Variants in PTPN23 observed in about 807,000 individuals in gnomAD.
PTPN23 encodes protein tyrosine phosphatase non-receptor type 23, also known as tyrosine-protein phosphatase non-receptor type 23.
A neutral mutation model predicts 156.3 loss-of-function variants in PTPN23; 72 were observed. The observed-to-expected ratio is 0.46, with a 90% CI of 0.38 to 0.56. The LOEUF is 0.56. PTPN23 is among the 20% of genes least tolerant of loss of function. The pLI is 0.00. For synonymous variants in PTPN23, 957 were observed against 899.6 expected (o/e 1.06, Z -1.14); for missense variants, 1,974 against 2,171.5 (o/e 0.91, Z 1.81).
In PTPN23 at chr3:47,413,081, C is replaced by T; in HGVS notation, c.4807C>T (p.His1603Tyr). The T allele has an allele frequency of 6.2e-7, 1 of 1,612,954 alleles. No individual in the cohort carries two copies. The change falls in exon 25 of 25, where the codon CAT becomes TAT. Residue 1603 changes from histidine (H) to tyrosine (Y), a missense_variant. Around this residue, in one of 4 missense-constraint regions of PTPN23, gnomAD observed 484 missense variants for 516.0 expected, o/e 0.94. Coordinates refer to ENST00000265562, the MANE Select transcript of PTPN23 (RefSeq NM_015466.4). ...GCGGGGCAAACAGCGGATGAGCAAGCATAACTTTCTGCAGGCCCATAACGG... is the reference window on the plus strand; with the variant it reads ...GCGGGGCAAACAGCGGATGAGCAAGTATAACTTTCTGCAGGCCCATAACGG... ...SLRGKQRMSK[H>Y]NFLQAHNGQG...
At position 47,410,033 on chromosome 3, in the gene PTPN23, G is replaced by C; in HGVS notation, c.2235G>C (p.Leu745=). 1 of 1,610,996 alleles carries C rather than the reference G, an allele frequency of 6.2e-7. No individual in the cohort carries two copies. The highest frequency in any genetic ancestry group is 8.5e-7 in the Non-Finnish European group (1 of 1,178,832). Residue 745 remains leucine, a synonymous_variant, in exon 20 of 25, where the codon CTG becomes CTC. Transcript: ENST00000265562. ...AAGCAGGAGACCCCCCTGAGGAGCT[G>C]CGCAGCCTCCCCCCTGACATGGTGG... ...AVEAGDPPEE[L]RSLPPDMVAG... is the part of the protein sequence containing the mutation.
In PTPN23 at chr3:47,412,955, G is replaced by A. The variant is rs778523402; in HGVS notation, c.4681G>A (p.Glu1561Lys). ...PLPEAPQPKEEPPVPEAPSSG... is the reference protein window; with the variant it reads ...PLPEAPQPKEKPPVPEAPSSG... ...ACCTGAGGCTCCCCAGCCTAAGGAG[G>A]AGCCGCCAGTGCCTGAAGCCCCCAG... Residue 1561 changes from glutamate (E) to lysine (K), a missense_variant, in exon 25 of 25, where the codon GAG becomes AAG. By Grantham distance (56) the Glu-to-Lys change is moderately conservative. Coordinates refer to ENST00000265562, the MANE Select transcript of PTPN23 (RefSeq NM_015466.4). 3.7e-6 allele frequency: 6 copies of A among 1,606,716 alleles called. No homozygotes were observed. The highest frequency in any genetic ancestry group is 5.1e-6 in the Non-Finnish European group (6 of 1,176,490).
chr3:47,404,500 C>T (rs1394752314), intron 2 of PTPN23, 152 bp from the exon 3 acceptor site: 19 of 850,452 alleles, frequency 2.2e-5, no homozygotes, highest in South Asian at 4.1e-5. Context: ...TTTTGTTGAA[C>T]GACTATAGGT....
intron 2 of PTPN23, among the ~76,000 whole-genome samples, chr3:47,399,582 C>T (rs1208530000): frequency 6.6e-6 from 1 of 152,194 alleles, no homozygotes; most frequent in Admixed American, 6.5e-5. Context: ...AGCATTACCA[C>T]CAATCTCCAA....
chr3:47,413,357 G>T lies in PTPN23; in HGVS notation c.*172G>T. On this transcript the variant is annotated 3_prime_UTR_variant, in exon 25 of 25. Coordinates refer to ENST00000265562, the MANE Select transcript of PTPN23 (RefSeq NM_015466.4). ...GGGGTGGAAATGTACTGCAGGCTCT[G>T]GGTCAGGTTCTGCTCCTTTATGGGA... 1.1e-6 allele frequency: 1 copy of T among 905,104 alleles called. No homozygotes were observed. The highest frequency in any genetic ancestry group is 1.8e-5 in the South Asian group (1 of 54,168). The allele number at this position is 905,104 out of a possible 1,614,324, so 56.1% of individuals were successfully genotyped here.
In PTPN23 at chr3:47,406,014, C is replaced by T; in HGVS notation, c.514C>T (p.Gln172Ter). The T allele has an allele frequency of 2.5e-6, 4 of 1,613,536 alleles. No homozygotes were observed. The highest frequency in any genetic ancestry group is 3.4e-6 in the Non-Finnish European group (4 of 1,179,874). ...AGCCTACAGCGTCGACATGAGCCGCCAGATCCTTACGCTCAACGTCAACCT... is the reference window on the plus strand; with the variant it reads ...AGCCTACAGCGTCGACATGAGCCGCTAGATCCTTACGCTCAACGTCAACCT... ...PQAYSVDMSR[Q>*]ILTLNVNLML... The change falls in exon 6 of 25, where the codon CAG becomes TAG. Residue 172 changes from glutamine to a stop codon, truncating the protein, a stop_gained. Transcript: ENST00000265562. LOFTEE classifies it high-confidence loss of function. This position sits in a 1 kb window ranked among gnomAD's most constrained non-coding sequence, Gnocchi z 5.8.
Position 47,406,258 on chromosome 3 carries a change from G to A in PTPN23, c.547-67G>A, listed in dbSNP as rs1705120228. 1 of 1,576,056 alleles carries A rather than the reference G, an allele frequency of 6.3e-7. No individual in the cohort carries two copies. Among genetic ancestry groups the A allele is most frequent in the Non-Finnish European group, 8.7e-7 (1 of 1,152,170 alleles). ...GATCCCTCAGTCTGCCCCTGGGGAA[G>A]GATAAAGGGAAGGGGAAGCGGGAGG... is the stretch of plus-strand genomic sequence containing the variant. On this transcript the variant is annotated intron_variant, in intron 6 of 24. Transcript: ENST00000265562. The surrounding 1 kb of genome is among the most constrained non-coding windows in gnomAD (Gnocchi z 5.8).
chr3:47,412,668 C>T, intron 24 of PTPN23, 38 bp from the exon 25 acceptor site: 2 of 1,603,226 alleles, frequency 1.2e-6, no homozygotes, highest in Non-Finnish European at 1.7e-6. Flanking sequence ...GAGCCACAGC[C>T]TTGGGACTCC....
At position 47,407,045 on chromosome 3, in the gene PTPN23, G is replaced by A; in HGVS notation, c.808-85G>A. ...CCTCCTGAGCTGCTTGTCATCTGAT[G>A]GACAGGCAGGGCCGGGTGGGAGGCA... is the stretch of plus-strand genomic sequence containing the variant. On this transcript the variant is annotated intron_variant, in intron 9 of 24. Coordinates refer to ENST00000265562, the MANE Select transcript of PTPN23 (RefSeq NM_015466.4). The surrounding 1 kb of genome is among the most constrained non-coding windows in gnomAD (Gnocchi z 4.0). 6.4e-7 allele frequency: 1 copy of A among 1,553,626 alleles called. No homozygotes were observed. The highest frequency in any genetic ancestry group is 8.8e-7 in the Non-Finnish European group (1 of 1,130,050).
chr3:47,399,889 A>G (rs975043689), intron 2 of PTPN23, among the ~76,000 whole-genome samples: 1 of 152,100 alleles, frequency 6.6e-6, no homozygotes, highest in Admixed American at 6.6e-5. Flanking sequence ...ATCTTGGCTC[A>G]TTGCAACGTC....
At position 47,407,193 on chromosome 3, in the gene PTPN23, C is replaced by G. The variant is rs762527756; in HGVS notation, c.864+7C>G. On this transcript the variant is annotated splice_region_variant and intron_variant, in intron 10 of 24. Coordinates refer to ENST00000265562, the MANE Select transcript of PTPN23 (RefSeq NM_015466.4). The surrounding 1 kb of genome is among the most constrained non-coding windows in gnomAD (Gnocchi z 4.0). ...AGCCATCAAGTTGGCCAAGGTAAAGCTGAGGAAGGCCTGGCTGCCCTGAGG... is the reference window on the plus strand; with the variant it reads ...AGCCATCAAGTTGGCCAAGGTAAAGGTGAGGAAGGCCTGGCTGCCCTGAGG... 1.9e-6 allele frequency: 3 copies of G among 1,614,036 alleles called. No individual in the cohort carries two copies. In the South Asian group the frequency reaches 3.3e-5, roughly 18 times the overall value.
intron 2 of PTPN23, among the ~76,000 whole-genome samples, chr3:47,402,338 G>A (rs1215791204): frequency 6.6e-6 from 1 of 152,064 alleles, no homozygotes; most frequent in Non-Finnish European, 1.5e-5. Flanking sequence ...GGAGTGCAGT[G>A]GTGCAACCTC....
chr3:47,382,977 G>T (rs1215449057), intron 1 of PTPN23, among the ~76,000 whole-genome samples: 1 of 152,026 alleles, frequency 6.6e-6, no homozygotes, highest in African/African-American at 2.4e-5. Flanking sequence ...ATGAGCCACC[G>T]CGCCTGGCCA....
In PTPN23 at chr3:47,381,146, C is replaced by T; in HGVS notation, c.50C>T (p.Ala17Val). Residue 17 changes from alanine to valine, a missense_variant, in exon 1 of 25, where the codon GCC (alanine) becomes GTC (valine). Transcript: ENST00000265562. ...MPMIWLDLKE[A>V]GDFHFQPAVK... ...ATGATCTGGCTGGACCTGAAGGAGG[C>T]CGGTGACTTTCACTTCCAGCCAGCT... The T allele has an allele frequency of 6.3e-7, 1 of 1,593,388 alleles. No homozygotes were observed. Among genetic ancestry groups the T allele is most frequent in the East Asian group, 2.3e-5 (1 of 43,450 alleles).
Position 47,412,909 on chromosome 3 carries a change from G to A in PTPN23, c.4635G>A (p.Pro1545=), listed in dbSNP as rs6789730. 0.96 allele frequency: 1,480,498 copies of A among 1,546,038 alleles called. 708,002 individuals are homozygous for A. Among genetic ancestry groups the A allele is most frequent in the Non-Finnish European group, 0.97 (1,108,990 of 1,140,554 alleles). Residue 1545 remains proline (P), a synonymous_variant, in exon 25 of 25, where the codon CCG becomes CCA. Transcript: ENST00000265562. ...CTACCCCAATCCCATCTTCCTCCCCGCCCCCCCTTTCCTCCCCACTACCTG... is the reference window on the plus strand; with the variant it reads ...CTACCCCAATCCCATCTTCCTCCCCACCCCCCCTTTCCTCCCCACTACCTG... ...PESTPIPSSS[P]PPLSSPLPEA...
rs150037620 is a variant in PTPN23 at position 47,412,929 on chromosome 3, T to C, written c.4655T>C (p.Leu1552Pro). 14,604 of 1,183,258 alleles carry C rather than the reference T, an allele frequency of 0.012. 97 individuals carry two copies. Among genetic ancestry groups the C allele is most frequent in the Non-Finnish European group, 0.015 (13,449 of 900,790 alleles). 73.3% of individuals were successfully genotyped at this position (1,183,258 alleles called of 1,614,324 possible). The change falls in exon 25 of 25, where the codon CTA (leucine) becomes CCA (proline). Residue 1552 changes from leucine (L) to proline (P), a missense_variant. By Grantham distance (98) the Leu-to-Pro change is moderately conservative (BLOSUM62 -3). Transcript: ENST00000265562. ...SSSPPPLSSP[L>P]PEAPQPKEEP... ...TCCCCGCCCCCCCTTTCCTCCCCAC[T>C]ACCTGAGGCTCCCCAGCCTAAGGAG...
In PTPN23 at chr3:47,412,919, T is replaced by TCCTCCCCCCCA; in HGVS notation, c.4652_4653insCCCACCTCCCC (p.Leu1552ProfsTer36). On this transcript the variant is annotated frameshift_variant, in exon 25 of 25. Coordinates refer to ENST00000265562, the MANE Select transcript of PTPN23 (RefSeq NM_015466.4). LOFTEE classifies it high-confidence loss of function. ...CCCATCTTCCTCCCCGCCCCCCCTT[T>TCCTCCCCCCCA]CCTCCCCACTACCTGAGGCTCCCCA... is the stretch of plus-strand genomic sequence containing the variant. 1 of 1,578,328 alleles carries TCCTCCCCCCCA rather than the reference T, an allele frequency of 6.3e-7. No homozygotes were observed. The highest frequency in any genetic ancestry group is 8.6e-7 in the Non-Finnish European group (1 of 1,156,974).
At position 47,411,280 on chromosome 3, in the gene PTPN23, A is replaced by G; in HGVS notation, c.3482A>G (p.Glu1161Gly). Residue 1161 changes from glutamate (E) to glycine (G), a missense_variant, in exon 20 of 25, where the codon GAG becomes GGG. By Grantham distance (98) the Glu-to-Gly change is moderately conservative (BLOSUM62 -2). This residue lies in a region of PTPN23 where 731 missense variants were observed against 669.1 expected (regional missense o/e 1.09). Transcript: ENST00000265562. The surrounding 1 kb of genome is among the most constrained non-coding windows in gnomAD (Gnocchi z 6.3). The stretch of plus-strand genomic sequence containing the variant: ...CGGCCGCAGGCCCTGCGGCTGATTG[A>G]GCGGGACCCCTATGAGCATCCTGAG... ...GRRPQALRLIERDPYEHPERL... is the reference protein window; with the variant it reads ...GRRPQALRLIGRDPYEHPERL... The G allele has an allele frequency of 6.2e-7, 1 of 1,611,372 alleles. No individual in the cohort carries two copies. Among genetic ancestry groups the G allele is most frequent in the Non-Finnish European group, 8.5e-7 (1 of 1,179,918 alleles).
At chr3:47,397,209 C>G (rs568887238) in intron 2 of PTPN23, among the ~76,000 whole-genome samples, 1 of 152,200 alleles carries the variant, frequency 6.6e-6, no homozygotes, top group African/African-American at 2.4e-5. Flanking sequence ...ATCACCATAA[C>G]AGATATATAA....
Sources: allele counts gnomAD v4.1 joint callset (sites outside exome capture counted in the v4.1 genomes callset), GRCh38; gene constraint gnomAD v4.1.1; regional missense constraint gnomAD v4.1.1; non-coding constraint Gnocchi (gnomAD v3.1); transcripts MANE v1.5; gene names NCBI Gene and HGNC (gene_info 2026-07-23, HGNC 2026-07-21).